The following KAZN variants were observed in gnomAD, a reference collection of about 807,000 sequenced individuals.
The protein encoded by KAZN is kazrin, periplakin interacting protein.
A neutral mutation model predicts 87.4 loss-of-function variants in KAZN; 40 were observed. That is an observed-to-expected ratio of 0.46 (90% CI 0.36 to 0.60). KAZN has a LOEUF of 0.60. KAZN is among the 20% of genes least tolerant of loss of function. KAZN has a pLI of 0.00. For missense variants in KAZN, 898 were observed against 1,073.9 expected (o/e 0.84, Z 2.29); for synonymous variants, 466 against 458.3 (o/e 1.02, Z -0.22).
In KAZN at chr1:14,881,053, T is replaced by G. The variant is rs116621580; in HGVS notation, c.227-79631T>G. The stretch of plus-strand genomic sequence containing the variant: ...TTGTGCTCCTGAGGCCTCTGTGAAG[T>G]GCTGTGGGCACAGGATCCATTCTTG... On this transcript the variant is annotated intron_variant, in intron 1 of 14. Coordinates refer to ENST00000376030, the MANE Select transcript of KAZN (RefSeq NM_201628.3). Among the ~76,000 whole-genome samples the G allele has an allele frequency of 3.1e-3, 465 of 152,322 alleles. 1 individual carries two copies. The highest frequency in any genetic ancestry group is 0.011 in the African/African-American group (444 of 41,568).
intron 2 of KAZN, among the ~76,000 whole-genome samples, chr1:14,545,706 C>T (rs1673097476): frequency 3.9e-5 from 6 of 152,198 alleles, no homozygotes; most frequent in Admixed American, 3.9e-4. Context: ...ATGCTACATG[C>T]TCGTCCAGGT....
chr1:13,993,149 T>C (rs1639362964), intron 1 of KAZN, among the ~76,000 whole-genome samples: 1 of 152,200 alleles, frequency 6.6e-6, no homozygotes, highest in Non-Finnish European at 1.5e-5. Context: ...ATCTCCTCTT[T>C]TCCCTCTCCC....
intron 1 of KAZN, among the ~76,000 whole-genome samples, chr1:14,655,926 T>C (rs1638763058): frequency 6.6e-6 from 1 of 152,084 alleles, no homozygotes; most frequent in Non-Finnish European, 1.5e-5. Context: ...CCAGCAGTGG[T>C]GTGCTGGGCA....
At chr1:14,688,527 T>A (rs1641091533) in intron 1 of KAZN, among the ~76,000 whole-genome samples, 1 of 152,194 alleles carries the variant, frequency 6.6e-6, no homozygotes, top group Non-Finnish European at 1.5e-5. Context: ...GTGTTAGAAA[T>A]CTATCAGGAA....
At chr1:14,133,819 G>T (rs1239005024) in intron 1 of KAZN, among the ~76,000 whole-genome samples, 2 of 152,176 alleles carry the variant, frequency 1.3e-5, no homozygotes, top group Admixed American at 6.5e-5. Flanking sequence ...GGATGCTGGA[G>T]GCTTTTCCAG....
chr1:14,137,893 T>A (rs924525038), intron 1 of KAZN, among the ~76,000 whole-genome samples: 2 of 151,920 alleles, frequency 1.3e-5, no homozygotes, highest in Non-Finnish European at 2.9e-5. Context: ...TATCTTTGAT[T>A]AGGCCTATCA....
At chr1:14,050,187 T>G (rs895524826) in intron 1 of KAZN, among the ~76,000 whole-genome samples, 6 of 151,276 alleles carry the variant, frequency 4.0e-5, no homozygotes, top group African/African-American at 1.5e-4. Context: ...CGCACATGTG[T>G]GTACACATAT....
intron 2 of KAZN, among the ~76,000 whole-genome samples, chr1:14,463,706 C>T (rs1396159327): frequency 6.6e-6 from 1 of 152,048 alleles, no homozygotes; most frequent in African/African-American, 2.4e-5. Flanking sequence ...AGATGAAATC[C>T]AGGCACCGTC....
chr1:14,028,331 T>C (rs1641173147), intron 1 of KAZN, among the ~76,000 whole-genome samples: 1 of 152,166 alleles, frequency 6.6e-6, no homozygotes, highest in Non-Finnish European at 1.5e-5. Context: ...AAATTGGGCG[T>C]GACAGAAACC....
rs1639019996 is a variant in KAZN at position 14,659,522 on chromosome 1, G to T, written c.226+60299G>T. ...TTCCTTTTCCTTTGCTATCTCCGTA[G>T]GCAGCACTTTATGTTGTGTTTTTTA... is the stretch of plus-strand genomic sequence containing the variant. On this transcript the variant is annotated intron_variant, in intron 1 of 14. Transcript: ENST00000376030. Among the ~76,000 whole-genome samples the T allele has an allele frequency of 2.6e-5, 4 of 152,140 alleles. No homozygotes were observed. In the South Asian group the frequency reaches 8.3e-4, roughly 32 times the overall value.
intron 1 of KAZN, among the ~76,000 whole-genome samples, chr1:14,627,586 C>T (rs767894667): frequency 7.2e-5 from 11 of 152,294 alleles, no homozygotes; most frequent in South Asian, 6.2e-4. Context: ...GCAGGGGCTG[C>T]GTCTGGTTTG....
chr1:14,207,398 A>T (rs1191962385), intron 2 of KAZN, among the ~76,000 whole-genome samples: 2 of 152,054 alleles, frequency 1.3e-5, no homozygotes, highest in African/African-American at 4.8e-5. Flanking sequence ...TGCTGTAGTG[A>T]TTCTGAATGT....
intron 1 of KAZN, among the ~76,000 whole-genome samples, chr1:14,074,218 C>T (rs956472296): frequency 1.6e-4 from 24 of 152,126 alleles, no homozygotes; most frequent in African/African-American, 5.3e-4. Context: ...TTGAACACAG[C>T]GTCTGAACTC....
intron 1 of KAZN, among the ~76,000 whole-genome samples, chr1:13,974,758 G>T (rs961867389): frequency 3.3e-5 from 5 of 152,082 alleles, no homozygotes; most frequent in African/African-American, 1.2e-4. Context: ...CCTCCAGAAC[G>T]GTGTGGGAGT....
At chr1:14,203,162 T>A (rs766573986) in intron 2 of KAZN, among the ~76,000 whole-genome samples, 19 of 152,020 alleles carry the variant, frequency 1.2e-4, no homozygotes, top group Non-Finnish European at 2.8e-4. Context: ...GGTTATGGAC[T>A]GTATTCCCAA....
chr1:14,515,229 A>G (rs1016502150), intron 2 of KAZN, among the ~76,000 whole-genome samples: 33 of 152,296 alleles, frequency 2.2e-4, no homozygotes, highest in African/African-American at 7.7e-4. Flanking sequence ...TTAATCCTTA[A>G]AGCCCCCGAC....
chr1:13,926,652 TAAAAA>T (rs60345092), intron 1 of KAZN, among the ~76,000 whole-genome samples: 2 of 145,130 alleles, frequency 1.4e-5, no homozygotes, highest in South Asian at 4.4e-4. Flanking sequence ...CTTTAAGAGT[TAAAAA>T]AAAAAAAAAA....
intron 1 of KAZN, among the ~76,000 whole-genome samples, chr1:14,721,260 G>C (rs1416620454): frequency 6.6e-6 from 1 of 152,188 alleles, no homozygotes. Flanking sequence ...TCTCGTGCTT[G>C]TGAGTGAGTT....
chr1:14,100,510 C>T (rs981686940), intron 1 of KAZN, among the ~76,000 whole-genome samples: 5 of 152,172 alleles, frequency 3.3e-5, no homozygotes, highest in African/African-American at 7.2e-5. Context: ...GCTTGAGCTT[C>T]CAAGAGTCCC....
Sources: gnomAD v4.1 joint callset for allele counts (sites outside exome capture counted in the v4.1 genomes callset) on GRCh38, gnomAD v4.1.1 for gene constraint, MANE v1.5 for transcripts, NCBI Gene and HGNC (gene_info 2026-07-23, HGNC 2026-07-21) for gene names.